The following AKAP12 variants were observed in gnomAD, a reference collection of about 807,000 sequenced individuals.
The protein encoded by AKAP12 is A-kinase anchoring protein 12.
Under a neutral mutation model 79.9 loss-of-function variants are expected in AKAP12, and 32 were observed. That is an observed-to-expected ratio of 0.40 (90% CI 0.30 to 0.54). The LOEUF (loss-of-function observed/expected upper bound fraction) is 0.54, where lower values mean the gene tolerates loss of function less well. Ranked by LOEUF, AKAP12 falls within the 20% of genes least tolerant of loss-of-function variation. AKAP12 has a pLI of 0.48. For synonymous variants in AKAP12, 808 were observed against 857.0 expected (o/e 0.94, Z 1.00); for missense variants, 2,074 against 2,177.0 (o/e 0.95, Z 0.94).
chr6:151,347,235 T>A (rs1020548446), intron 3 of AKAP12, among the ~76,000 whole-genome samples: 11 of 152,372 alleles, frequency 7.2e-5, no homozygotes, highest in Admixed American at 2.0e-4. Flanking sequence ...AAAATATTCT[T>A]CATACGTCCT....
intron 2 of AKAP12, among the ~76,000 whole-genome samples, chr6:151,276,839 T>A (rs1776299044): frequency 6.6e-6 from 1 of 152,248 alleles, no homozygotes; most frequent in Non-Finnish European, 1.5e-5. Context: ...TTTTCTTGAT[T>A]TATCTGTTTA....
At chr6:151,331,530 T>C (rs1777665898) in intron 3 of AKAP12, among the ~76,000 whole-genome samples, 1 of 152,142 alleles carries the variant, frequency 6.6e-6, no homozygotes, top group African/African-American at 2.4e-5. Flanking sequence ...TATTTTTCCT[T>C]CCGGAATGTT....
chr6:151,296,991 T>C (rs1426418204), intron 2 of AKAP12, among the ~76,000 whole-genome samples: 1 of 151,690 alleles, frequency 6.6e-6, no homozygotes, highest in African/African-American at 2.4e-5. Context: ...TTGGAAAATA[T>C]ATTGTATGCC....
intron 3 of AKAP12, chr6:151,323,913 C>T (rs756478225): frequency 1.1e-4 from 109 of 985,278 alleles, no homozygotes; most frequent in Non-Finnish European, 1.3e-4. Flanking sequence ...GATCCCAGAT[C>T]ACCCACGGCT....
chr6:151,265,210 G>A (rs1320222125), intron 2 of AKAP12, among the ~76,000 whole-genome samples: 3 of 136,092 alleles, frequency 2.2e-5, no homozygotes, highest in Non-Finnish European at 3.1e-5. Flanking sequence ...TGTAAATCAA[G>A]CCTCTTTTTT....
At position 151,259,509 on chromosome 6, in the gene AKAP12, TATAC is replaced by T. The variant is rs1286583499; in HGVS notation, c.162+18787_162+18790del. 2.8e-3 allele frequency among the ~76,000 whole-genome samples: 255 copies of T among 92,060 alleles called. 1 individual carries two copies. The highest frequency in any genetic ancestry group is 8.7e-3 in the African/African-American group (218 of 25,164). The allele number at this position is 92,060 out of a possible 152,430, so 60.4% of individuals were successfully genotyped here. On this transcript the variant is annotated intron_variant, in intron 2 of 4. Coordinates refer to ENST00000402676, the MANE Select transcript of AKAP12 (RefSeq NM_005100.4). ...ACACACACATATACATGTATATATATATACACACACACACACACACACACACACA... is the reference window on the plus strand; with the variant it reads ...ACACACACATATACATGTATATATATACACACACACACACACACACACACA...
At chr6:151,314,243 G>A (rs995586238) in intron 3 of AKAP12, among the ~76,000 whole-genome samples, 24 of 151,970 alleles carry the variant, frequency 1.6e-4, no homozygotes, top group Admixed American at 6.6e-5. Context: ...ACCATGGCTG[G>A]TCTCAAACTC....
At chr6:151,320,929 A>G (rs965424411) in intron 3 of AKAP12, among the ~76,000 whole-genome samples, 11 of 152,148 alleles carry the variant, frequency 7.2e-5, no homozygotes, top group African/African-American at 2.6e-4. Flanking sequence ...GGTTTTTGCT[A>G]TATTCACAGA....
intron 3 of AKAP12, among the ~76,000 whole-genome samples, chr6:151,321,800 T>C (rs1342340998): frequency 1.3e-5 from 2 of 152,064 alleles, no homozygotes; most frequent in African/African-American, 4.8e-5. Flanking sequence ...ACCTTCCCAA[T>C]AGCGATGTGT....
intron 2 of AKAP12, among the ~76,000 whole-genome samples, chr6:151,252,683 C>T (rs1342860057): frequency 7.1e-6 from 1 of 140,714 alleles, no homozygotes; most frequent in African/African-American, 2.7e-5. Flanking sequence ...CATTTGACTA[C>T]AGGCATTTGA....
intron 2 of AKAP12, among the ~76,000 whole-genome samples, chr6:151,241,389 A>G (rs1227165953): frequency 6.6e-6 from 1 of 152,254 alleles, no homozygotes; most frequent in African/African-American, 2.4e-5. Flanking sequence ...TTCGCAAACC[A>G]GCCAGCGCCC....
rs183500451 is a variant in AKAP12 at position 151,246,136 on chromosome 6, C to G, written c.162+5412C>G. On this transcript the variant is annotated intron_variant, in intron 2 of 4. Coordinates refer to ENST00000402676, the MANE Select transcript of AKAP12 (RefSeq NM_005100.4). ...TTTATATGCATTTAAAAATTTAACCCGGCAAGGTGCGGTGGCTCACGCCTG... is the reference window on the plus strand; with the variant it reads ...TTTATATGCATTTAAAAATTTAACCGGGCAAGGTGCGGTGGCTCACGCCTG... Among the ~76,000 whole-genome samples the G allele has an allele frequency of 2.2e-4, 33 of 152,118 alleles. 1 individual carries two copies. Among genetic ancestry groups the G allele is most frequent in the African/African-American group, 7.2e-4 (30 of 41,434 alleles).
rs199947814 is a variant in AKAP12, at chr6:151,353,252, A to G, written c.4861A>G (p.Thr1621Ala). The G allele has an allele frequency of 2.7e-4, 433 of 1,614,072 alleles. No homozygotes were observed. The highest frequency in any genetic ancestry group is 3.5e-4 in the Non-Finnish European group (413 of 1,180,048). ...ITSAKEESESTAVGQAHSDIS... is the reference protein window; with the variant it reads ...ITSAKEESESAAVGQAHSDIS... ...TTCAGCCAAAGAGGAGTCAGAGTCA[A>G]CCGCAGTGGGACAAGCACATTCTGA... Residue 1621 changes from threonine to alanine, a missense_variant, in exon 4 of 5, where the codon ACC becomes GCC. By Grantham distance (58) the Thr-to-Ala change is moderately conservative (BLOSUM62 0). Transcript: ENST00000402676.
chr6:151,323,379 C>T (rs570342246), intron 3 of AKAP12, among the ~76,000 whole-genome samples: 3 of 152,156 alleles, frequency 2.0e-5, no homozygotes, highest in South Asian at 2.1e-4. Flanking sequence ...GGTGAAACCC[C>T]GTCTCCACTA....
chr6:151,350,286 A>G lies in AKAP12; in HGVS notation c.1895A>G (p.Glu632Gly), dbSNP rs773207935. The G allele has an allele frequency of 2.5e-6, 4 of 1,614,102 alleles. No homozygotes were observed. In the East Asian group the frequency reaches 8.9e-5, roughly 36 times the overall value. Residue 632 changes from glutamate (E) to glycine (G), a missense_variant, in exon 4 of 5, where the codon GAA becomes GGA. Glu to Gly is a moderately conservative substitution (Grantham distance 98). Transcript: ENST00000402676. This position sits in a 1 kb window ranked among gnomAD's most constrained non-coding sequence, Gnocchi z 4.8. ...AGACGGCCTTCGGAAAGTGATAAAG[A>G]AGATGAGCTGGACAAGGTCAAGAGC... ...RVRRPSESDK[E>G]DELDKVKSAT... is the part of the protein sequence containing the mutation.
At position 151,352,013 on chromosome 6, in the gene AKAP12, G is replaced by A. The variant is rs1055660853; in HGVS notation, c.3622G>A (p.Gly1208Ser). Reference protein sequence around the residue: ...NEVASGTQSGGTEAEAVPAQK... With the variant: ...NEVASGTQSGSTEAEAVPAQK... The stretch of plus-strand genomic sequence containing the variant: ...GGTCGCATCTGGTACCCAGTCAGGG[G>A]GCACAGAAGCAGAGGCAGTTCCTGC... The change falls in exon 4 of 5, where the codon GGC becomes AGC. Residue 1208 changes from glycine (G) to serine (S), a missense_variant. Physicochemically the swap from Gly to Ser is moderately conservative, Grantham distance 56 (BLOSUM62 0). Around this residue, in one of 3 missense-constraint regions of AKAP12, gnomAD observed 32 missense variants for 60.4 expected, o/e 0.53. Transcript: ENST00000402676. The A allele has an allele frequency of 1.2e-6, 2 of 1,613,972 alleles. No homozygotes were observed. The highest frequency in any genetic ancestry group is 1.7e-5 in the Admixed American group (1 of 59,992).
intron 3 of AKAP12, chr6:151,324,926 G>A: frequency 3.0e-6 from 3 of 985,430 alleles, no homozygotes; most frequent in African/African-American, 1.7e-5. Flanking sequence ...TTGTGTGCTT[G>A]CATGTTAGAG....
At chr6:151,326,486 T>G (rs1014374887) in intron 3 of AKAP12, among the ~76,000 whole-genome samples, 1 of 80,058 alleles carries the variant, frequency 1.2e-5, no homozygotes, top group African/African-American at 4.9e-5. Context: ...AGGCAACAAA[T>G]AGTAAAAAAA....
chr6:151,261,626 G>T (rs147860090), intron 2 of AKAP12, among the ~76,000 whole-genome samples: 1 of 151,552 alleles, frequency 6.6e-6, no homozygotes, highest in East Asian at 2.0e-4. Context: ...ACTTGAACCC[G>T]GGAGGTGGAG....
Sources: gnomAD v4.1 joint callset for allele counts (sites outside exome capture counted in the v4.1 genomes callset) on GRCh38, gnomAD v4.1.1 for gene constraint, gnomAD v4.1.1 regional missense constraint, Gnocchi (gnomAD v3.1) non-coding constraint, MANE v1.5 for transcripts, NCBI Gene and HGNC (gene_info 2026-07-23, HGNC 2026-07-21) for gene names.